Variants in PRTG observed in about 807,000 individuals in gnomAD.
PRTG encodes immunoglobulin superfamily, DCC subclass, member 5.
PRTG carries 67 observed loss-of-function variants against 122.5 expected under a neutral mutation model. That is an observed-to-expected ratio of 0.55 (90% CI 0.45 to 0.67). The LOEUF (loss-of-function observed/expected upper bound fraction) is 0.67. PRTG is among the 30% of genes least tolerant of loss of function. PRTG has a pLI of 0.00. For synonymous variants in PRTG, 554 were observed against 501.1 expected (o/e 1.11, Z -1.41); for missense variants, 1,435 against 1,415.4 (o/e 1.01, Z -0.22).
chr15:55,674,115 T>C (rs2141799408), intron 9 of PRTG, among the ~76,000 whole-genome samples: 1 of 152,330 alleles, frequency 6.6e-6, no homozygotes. Context: ...AATGTGAATT[T>C]TGTATTCCTA....
intron 9 of PRTG, among the ~76,000 whole-genome samples, chr15:55,675,247 A>G (rs903019647): frequency 6.6e-6 from 1 of 152,120 alleles, no homozygotes; most frequent in Non-Finnish European, 1.5e-5. Flanking sequence ...TTCAGTACAA[A>G]AAAGTTTGCA....
intron 11 of PRTG, among the ~76,000 whole-genome samples, chr15:55,665,080 A>C (rs2059431287): frequency 6.6e-6 from 1 of 151,540 alleles, no homozygotes; most frequent in South Asian, 2.1e-4. Flanking sequence ...AACACGGTGA[A>C]ACGTCATCTC....
chr15:55,682,311 A>T, intron 4 of PRTG, 53 bp downstream of exon 4: 1 of 1,424,118 alleles, frequency 7.0e-7, no homozygotes, highest in Non-Finnish European at 9.3e-7. Context: ...AGAAGAAGTA[A>T]CAACTGCGCC....
intron 2 of PRTG, among the ~76,000 whole-genome samples, chr15:55,684,678 G>C (rs2059560436): frequency 7.7e-6 from 1 of 130,140 alleles, no homozygotes; most frequent in Non-Finnish European, 1.6e-5. Context: ...CTATTAAATA[G>C]GGATTACAGA....
rs1198078578 is a variant in PRTG, at chr15:55,611,734, AC to A, written c.*8277del. On this transcript the variant is annotated 3_prime_UTR_variant, in exon 20 of 20. Transcript: ENST00000389286. ...TTACTATGATACTAGAAAAAAAAAA[AC>A]AAATCTACATTATTAAACAAATATG... The A allele has an allele frequency of 2.0e-5, 3 of 152,034 alleles. No homozygotes were observed. Among genetic ancestry groups the A allele is most frequent in the African/African-American group, 4.8e-5 (2 of 41,418 alleles). The allele number at this position is 152,034 out of a possible 1,614,324, so 9.4% of individuals were successfully genotyped here. A position where few individuals can be genotyped will look rare whatever the true frequency, so the allele number is the denominator to read the frequency against.
intron 9 of PRTG, among the ~76,000 whole-genome samples, chr15:55,675,152 G>T (rs1219383354): frequency 6.6e-6 from 1 of 152,056 alleles, no homozygotes; most frequent in Non-Finnish European, 1.5e-5. Flanking sequence ...CCAAGTTTCA[G>T]AAGTCCAGTA....
intron 15 of PRTG, among the ~76,000 whole-genome samples, chr15:55,631,944 C>T (rs749494422): frequency 6.6e-6 from 1 of 152,102 alleles, no homozygotes; most frequent in Non-Finnish European, 1.5e-5. Context: ...ATATTTGGAC[C>T]ATAGTGTCCA....
chr15:55,677,739 A>C (rs2059510794), intron 8 of PRTG, 58 bp downstream of exon 8: 1 of 1,558,476 alleles, frequency 6.4e-7, no homozygotes, highest in African/African-American at 1.4e-5. Context: ...ATTCGTACTG[A>C]AAACAAATCC....
intron 8 of PRTG, 21 bp downstream of exon 8, chr15:55,677,776 A>T (rs2059511021): frequency 6.2e-7 from 1 of 1,607,060 alleles, no homozygotes; most frequent in Non-Finnish European, 8.5e-7. Flanking sequence ...CTTAAAAATA[A>T]GCACTCCTAA....
At chr15:55,647,898 A>G (rs2059332864) in intron 11 of PRTG, among the ~76,000 whole-genome samples, 1 of 152,242 alleles carries the variant, frequency 6.6e-6, no homozygotes, top group Non-Finnish European at 1.5e-5. Context: ...TAGAGCAGGC[A>G]GACAAAGGTT....
chr15:55,640,655 A>T (rs1216968902), intron 12 of PRTG, among the ~76,000 whole-genome samples: 3 of 152,188 alleles, frequency 2.0e-5, no homozygotes, highest in African/African-American at 7.2e-5. Context: ...TGTATGCAAA[A>T]TGAAAATAGG....
chr15:55,632,916 G>A (rs1384606772), intron 15 of PRTG, among the ~76,000 whole-genome samples: 1 of 152,210 alleles, frequency 6.6e-6, no homozygotes, highest in Non-Finnish European at 1.5e-5. Context: ...GTAAGAATTA[G>A]TTTAGTAAAA....
intron 2 of PRTG, among the ~76,000 whole-genome samples, chr15:55,711,770 C>A (rs992484180): frequency 6.6e-6 from 1 of 152,200 alleles, no homozygotes. Flanking sequence ...AACCACCCAT[C>A]TGATCCACAA....
At chr15:55,714,802 A>C (rs2030538334) in intron 2 of PRTG, among the ~76,000 whole-genome samples, 2 of 152,160 alleles carry the variant, frequency 1.3e-5, no homozygotes, top group African/African-American at 4.8e-5. Context: ...TTAAATAAAC[A>C]TAGCTTGATG....
chr15:55,720,876 G>A (rs537251398), intron 2 of PRTG, among the ~76,000 whole-genome samples: 5 of 152,086 alleles, frequency 3.3e-5, no homozygotes, highest in Non-Finnish European at 5.9e-5. Context: ...GCTGTCCTGG[G>A]CTGCATGCGG....
At position 55,734,645 on chromosome 15, in the gene PRTG, G is replaced by A. The variant is rs374348329; in HGVS notation, c.397+5737C>T. ...AACACGAAAAAAGGGCAAATCCTCT[G>A]GAAACTGAAAAAACAAACATTTTTA... On this transcript the variant is annotated intron_variant, in intron 2 of 19. Transcript: ENST00000389286. Among the ~76,000 whole-genome samples, 20 of 151,570 alleles carry A rather than the reference G, an allele frequency of 1.3e-4. No individual in the cohort carries two copies. In the South Asian group the frequency reaches 3.9e-3, roughly 30 times the overall value.
At chr15:55,690,725 A>T (rs2059596003) in intron 2 of PRTG, among the ~76,000 whole-genome samples, 1 of 152,254 alleles carries the variant, frequency 6.6e-6, no homozygotes, top group Non-Finnish European at 1.5e-5. Flanking sequence ...CCCAAATTAT[A>T]AAAGCAAATA....
chr15:55,704,114 C>A (rs771588360), intron 2 of PRTG, among the ~76,000 whole-genome samples: 4 of 152,182 alleles, frequency 2.6e-5, no homozygotes, highest in Non-Finnish European at 5.9e-5. Context: ...TTGTCTTTAC[C>A]AAGACCACTT....
At position 55,619,946 on chromosome 15, in the gene PRTG, G is replaced by A; in HGVS notation, c.*66C>T. On this transcript the variant is annotated 3_prime_UTR_variant, in exon 20 of 20. Coordinates refer to ENST00000389286, the MANE Select transcript of PRTG (RefSeq NM_173814.6). ...GGAGGAAGTCTGCTCACTAACAGAT[G>A]ACACAGCAGGGTCTTCACACTTCCT... 2 of 1,588,598 alleles carry A rather than the reference G, an allele frequency of 1.3e-6. No homozygotes were observed. Among genetic ancestry groups the A allele is most frequent in the Admixed American group, 1.7e-5 (1 of 58,346 alleles).
Sources: gnomAD v4.1 joint callset for allele counts (sites outside exome capture counted in the v4.1 genomes callset) on GRCh38, gnomAD v4.1.1 for gene constraint, MANE v1.5 for transcripts, NCBI Gene and HGNC (gene_info 2026-07-23, HGNC 2026-07-21) for gene names.